The following SKI variants were observed in gnomAD, a reference collection of about 807,000 sequenced individuals.
SKI encodes ski oncogene.
In SKI, 23 loss-of-function variants were observed where a neutral mutation model predicts 59.3. The ratio of observed to expected loss-of-function variants is 0.39; its 90% CI spans 0.28 to 0.55. The LOEUF (loss-of-function observed/expected upper bound fraction) is 0.55, where lower values mean the gene tolerates loss of function less well. SKI is among the 20% of genes least tolerant of loss of function. The pLI is 0.67. For synonymous variants in SKI, 673 were observed against 488.6 expected, an observed-to-expected ratio of 1.38 and a Z score of -4.98; for missense variants, 1,017 against 1,038.9, an observed-to-expected ratio of 0.98 and a Z score of 0.29.
chr1:2,275,278 G>A (rs530710298), intron 1 of SKI, among the ~76,000 whole-genome samples: 12 of 152,338 alleles, frequency 7.9e-5, no homozygotes, highest in Middle Eastern at 3.4e-3. Flanking sequence ...CAGGCGCCAC[G>A]GCGGCTCCTT....
chr1:2,262,242 G>A (rs1389079967), intron 1 of SKI, among the ~76,000 whole-genome samples: 40 of 132,106 alleles, frequency 3.0e-4, no homozygotes, highest in Non-Finnish European at 5.4e-4. Context: ...GGGAGTGGAC[G>A]CCCTCGCTCC....
At chr1:2,290,349 G>A (rs984117437) in intron 1 of SKI, among the ~76,000 whole-genome samples, 2 of 152,132 alleles carry the variant, frequency 1.3e-5, no homozygotes, top group African/African-American at 2.4e-5. Context: ...GCTGATTGGG[G>A]GTAGGCCAGC....
chr1:2,270,355 G>A lies in SKI; in HGVS notation c.970-32623G>A, dbSNP rs551168112. Among the ~76,000 whole-genome samples, 11 of 152,338 alleles carry A rather than the reference G, an allele frequency of 7.2e-5. No homozygotes were observed. Among genetic ancestry groups the A allele is most frequent in the South Asian group, 6.2e-4 (3 of 4,832 alleles). The stretch of plus-strand genomic sequence containing the variant: ...TCTGACGCCACGGCCTGAGGCAGCC[G>A]TTGGACAGTGCCCATCTTGAATGCA... On this transcript the variant is annotated intron_variant, in intron 1 of 6. Coordinates refer to ENST00000378536, the MANE Select transcript of SKI (RefSeq NM_003036.4). The surrounding 1 kb of genome is among the most constrained non-coding windows in gnomAD (Gnocchi z 4.1).
At chr1:2,282,679 C>T (rs1158777194) in intron 1 of SKI, among the ~76,000 whole-genome samples, 1 of 152,226 alleles carries the variant, frequency 6.6e-6, no homozygotes, top group Non-Finnish European at 1.5e-5. Flanking sequence ...CATGATAGGG[C>T]CTGGGTAGGG....
intron 1 of SKI, among the ~76,000 whole-genome samples, chr1:2,298,232 C>T (rs1275375350): frequency 6.6e-6 from 1 of 152,198 alleles, no homozygotes; most frequent in Non-Finnish European, 1.5e-5. Context: ...GGCACACTGG[C>T]CGCTGGACAC....
intron 1 of SKI, among the ~76,000 whole-genome samples, chr1:2,278,264 G>A (rs912739436): frequency 1.3e-5 from 2 of 152,338 alleles, no homozygotes; most frequent in African/African-American, 2.4e-5. Context: ...GCAAGGGTGG[G>A]GTGTGGAGGC....
intron 1 of SKI, among the ~76,000 whole-genome samples, chr1:2,289,406 G>A (rs1452798955): frequency 6.6e-6 from 1 of 151,920 alleles, no homozygotes; most frequent in Non-Finnish European, 1.5e-5. Context: ...TGGCCACTTT[G>A]TGAGGCCCCT....
intron 1 of SKI, among the ~76,000 whole-genome samples, chr1:2,284,857 C>T (rs1640000374): frequency 6.6e-6 from 1 of 152,200 alleles, no homozygotes; most frequent in Non-Finnish European, 1.5e-5. Flanking sequence ...GGTGCTCTCA[C>T]TGAGGGTCTG....
At chr1:2,233,188 G>T (rs1383512551) in intron 1 of SKI, among the ~76,000 whole-genome samples, 2 of 151,002 alleles carry the variant, frequency 1.3e-5, no homozygotes, top group Non-Finnish European at 3.0e-5. Context: ...CTCCAAGGGG[G>T]GGTCCTGCTC....
In SKI at chr1:2,229,618, C is replaced by T. The variant is rs1569660612; in HGVS notation, c.852C>T (p.Tyr284=). 5 of 1,612,428 alleles carry T rather than the reference C, an allele frequency of 3.1e-6. No individual in the cohort carries two copies. Among genetic ancestry groups the T allele is most frequent in the Non-Finnish European group, 4.2e-6 (5 of 1,179,928 alleles). ...TCGACTCGGCCAACTGGCGGGCCTA[C>T]ATCCTGCTGAGCCAGGATTACACGG... ...WGFDSANWRA[Y]ILLSQDYTGK... The change falls in exon 1 of 7, where the codon TAC becomes TAT. Residue 284 remains tyrosine, a synonymous_variant. Transcript: ENST00000378536. This position sits in a 1 kb window ranked among gnomAD's most constrained non-coding sequence, Gnocchi z 6.3.
At chr1:2,245,604 T>A (rs1268285297) in intron 1 of SKI, among the ~76,000 whole-genome samples, 1 of 151,834 alleles carries the variant, frequency 6.6e-6, no homozygotes, top group African/African-American at 2.4e-5. Flanking sequence ...GCCTCCCAAG[T>A]AGCTGGGACT....
In SKI at chr1:2,228,810, C is replaced by A; in HGVS notation, c.44C>A (p.Pro15Gln). 1 of 1,360,892 alleles carries A rather than the reference C, an allele frequency of 7.3e-7. No individual in the cohort carries two copies. The highest frequency in any genetic ancestry group is 9.6e-7 in the Non-Finnish European group (1 of 1,046,200). 84.3% of individuals were successfully genotyped at this position (1,360,892 alleles called of 1,614,324 possible). The change falls in exon 1 of 7, where the codon CCG becomes CAG. Residue 15 changes from proline to glutamine, a missense_variant. Physicochemically the swap from Pro to Gln is moderately conservative, Grantham distance 76 (BLOSUM62 -1). Transcript: ENST00000378536. ...AGGRGCFQPH[P>Q]GLQKTLEQFH... is the part of the protein sequence containing the mutation. Reference sequence around the variant, plus strand: ...GGCCGCGGCTGTTTCCAGCCGCACCCGGGGCTGCAGAAGACGCTGGAGCAG... The same window carrying A: ...GGCCGCGGCTGTTTCCAGCCGCACCAGGGGCTGCAGAAGACGCTGGAGCAG...
At chr1:2,262,358 T>C in intron 1 of SKI, among the ~76,000 whole-genome samples, 1 of 143,498 alleles carries the variant, frequency 7.0e-6, no homozygotes, top group Non-Finnish European at 1.5e-5. Flanking sequence ...AATCAGAGTT[T>C]GGGTGGGAGT....
At chr1:2,300,031 G>C (rs575121614) in intron 1 of SKI, among the ~76,000 whole-genome samples, 1 of 152,334 alleles carries the variant, frequency 6.6e-6, no homozygotes, top group African/African-American at 2.4e-5. Flanking sequence ...TTCCGTCAGA[G>C]GGCCTAGGGT....
chr1:2,274,439 G>A (rs1438315545), intron 1 of SKI, among the ~76,000 whole-genome samples: 1 of 152,128 alleles, frequency 6.6e-6, no homozygotes, highest in Non-Finnish European at 1.5e-5. Flanking sequence ...GGGCGCCGAG[G>A]GTGGTGTGGG....
chr1:2,296,551 C>T (rs1640289426), intron 1 of SKI, among the ~76,000 whole-genome samples: 1 of 152,230 alleles, frequency 6.6e-6, no homozygotes, highest in Non-Finnish European at 1.5e-5. Context: ...CTCGAATTCT[C>T]TCCCATTTGG....
At position 2,306,000 on chromosome 1, in the gene SKI, G is replaced by C. The variant is rs375518657; in HGVS notation, c.1768-20G>C. 2 of 1,550,676 alleles carry C rather than the reference G, an allele frequency of 1.3e-6. No homozygotes were observed. The highest frequency in any genetic ancestry group is 1.7e-6 in the Non-Finnish European group (2 of 1,145,314). ...CTGGGACCGGCTGGGCAGTGACCCC[G>C]AGCCGCCTCCGGCCCCCAGGAGCTG... On this transcript the variant is annotated intron_variant, in intron 5 of 6. Transcript: ENST00000378536.
At chr1:2,256,867 C>T (rs1372729840) in intron 1 of SKI, among the ~76,000 whole-genome samples, 4 of 152,206 alleles carry the variant, frequency 2.6e-5, no homozygotes, top group Non-Finnish European at 4.4e-5. Context: ...CTGTGTTGGG[C>T]GCCTATTGGG....
At chr1:2,287,811 C>G (rs796786116) in intron 1 of SKI, among the ~76,000 whole-genome samples, 42 of 152,266 alleles carry the variant, frequency 2.8e-4, no homozygotes, top group African/African-American at 8.9e-4. Flanking sequence ...TGAGCCCAGG[C>G]TCCTTTCTGG....
Sources: gnomAD v4.1 joint callset for allele counts (sites outside exome capture counted in the v4.1 genomes callset) on GRCh38, gnomAD v4.1.1 for gene constraint, Gnocchi (gnomAD v3.1) non-coding constraint, MANE v1.5 for transcripts, NCBI Gene and HGNC (gene_info 2026-07-23, HGNC 2026-07-21) for gene names.